Variants in SRPK1 observed in about 807,000 individuals in gnomAD.
SRPK1 encodes SFRS protein kinase 1.
SRPK1 carries 52 observed loss-of-function variants against 89.5 expected under a neutral mutation model. That is an observed-to-expected ratio of 0.58 (90% CI 0.46 to 0.73). The LOEUF (loss-of-function observed/expected upper bound fraction) is 0.73. SRPK1 is among the 30% of genes least tolerant of loss of function. SRPK1 has a pLI of 0.00. For synonymous variants in SRPK1, 255 were observed against 270.2 expected, an observed-to-expected ratio of 0.94 and a Z score of 0.55; for missense variants, 603 against 780.6, an observed-to-expected ratio of 0.77 and a Z score of 2.71.
Position 35,842,525 on chromosome 6 carries a change from G to C in SRPK1, c.1690+10C>G. Reference sequence around the variant, plus strand: ...ACCACGCACACACATCCATGGTTAAGGGGACTCACCTTCATCTCGAGTGTA... The same window carrying C: ...ACCACGCACACACATCCATGGTTAACGGGACTCACCTTCATCTCGAGTGTA... On this transcript the variant is annotated intron_variant, in intron 14 of 15. Coordinates refer to ENST00000373825, the MANE Select transcript of SRPK1 (RefSeq NM_003137.5). The C allele has an allele frequency of 1.2e-6, 2 of 1,605,742 alleles. No individual in the cohort carries two copies. Among genetic ancestry groups the C allele is most frequent in the Non-Finnish European group, 1.7e-6 (2 of 1,175,728 alleles).
chr6:35,910,392 T>C (rs1770935707), intron 2 of SRPK1, among the ~76,000 whole-genome samples: 1 of 152,068 alleles, frequency 6.6e-6, no homozygotes, highest in African/African-American at 2.4e-5. Context: ...GGCCCTGGAT[T>C]TTATGAAGTT....
At chr6:35,863,989 T>A (rs1226639941) in intron 12 of SRPK1, among the ~76,000 whole-genome samples, 1 of 152,168 alleles carries the variant, frequency 6.6e-6, no homozygotes, top group East Asian at 1.9e-4. Context: ...GATACCCATA[T>A]GCAGAAAAAT....
chr6:35,915,158 C>G (rs1443029911), intron 2 of SRPK1, among the ~76,000 whole-genome samples: 2 of 152,110 alleles, frequency 1.3e-5, no homozygotes, highest in African/African-American at 4.8e-5. Flanking sequence ...AATCCTGGCA[C>G]TTTGGGAGGC....
chr6:35,860,530 G>A (rs1373198110), intron 12 of SRPK1, among the ~76,000 whole-genome samples: 1 of 152,164 alleles, frequency 6.6e-6, no homozygotes, highest in Non-Finnish European at 1.5e-5. Flanking sequence ...AGCATTTGAT[G>A]TTTGTACGGT....
intron 13 of SRPK1, among the ~76,000 whole-genome samples, chr6:35,850,232 G>A (rs1256353619): frequency 6.6e-6 from 1 of 152,068 alleles, no homozygotes; most frequent in Non-Finnish European, 1.5e-5. Flanking sequence ...GTTGAAGGTG[G>A]CTTTGAAACT....
chr6:35,868,121 C>T (rs113232463), intron 12 of SRPK1, among the ~76,000 whole-genome samples: 151 of 151,954 alleles, frequency 9.9e-4, no homozygotes, highest in African/African-American at 3.4e-3. Context: ...TACAGGCATG[C>T]GCCAACACGC....
chr6:35,917,273 C>T (rs1771131388), intron 2 of SRPK1, among the ~76,000 whole-genome samples: 1 of 152,156 alleles, frequency 6.6e-6, no homozygotes, highest in Non-Finnish European at 1.5e-5. Context: ...ATTCAGAAGC[C>T]TCTTTCAACT....
At chr6:35,857,832 A>G (rs544320399) in intron 12 of SRPK1, among the ~76,000 whole-genome samples, 2 of 152,248 alleles carry the variant, frequency 1.3e-5, no homozygotes, top group East Asian at 3.9e-4. Context: ...CTGTGCCTTT[A>G]TTGGGATGTT....
intron 13 of SRPK1, among the ~76,000 whole-genome samples, chr6:35,854,538 G>A (rs1371499461): frequency 1.5e-5 from 2 of 135,146 alleles, no homozygotes; most frequent in African/African-American, 5.4e-5. Context: ...CTCATGTCAG[G>A]TAAGTACTTC....
intron 13 of SRPK1, among the ~76,000 whole-genome samples, chr6:35,855,137 T>C (rs1769640574): frequency 6.6e-6 from 1 of 151,912 alleles, no homozygotes; most frequent in Admixed American, 6.6e-5. Context: ...CCGTCTCTAC[T>C]AAAAATACAA....
chr6:35,836,672 T>C (rs1769185282), intron 15 of SRPK1, among the ~76,000 whole-genome samples: 1 of 151,744 alleles, frequency 6.6e-6, no homozygotes, highest in South Asian at 2.1e-4. Context: ...GGAGGATCAT[T>C]TGAACCTGGG....
chr6:35,898,267 G>A (rs539651723), intron 2 of SRPK1, among the ~76,000 whole-genome samples: 3 of 152,278 alleles, frequency 2.0e-5, no homozygotes, highest in Middle Eastern at 3.4e-3. Flanking sequence ...AAGTAAATCA[G>A]GAATGGAGAA....
Position 35,869,910 on chromosome 6 carries a change from C to T in SRPK1, c.992-9G>A. The T allele has an allele frequency of 6.5e-7, 1 of 1,531,056 alleles. No homozygotes were observed. Among genetic ancestry groups the T allele is most frequent in the Non-Finnish European group, 8.7e-7 (1 of 1,143,538 alleles). 94.8% of individuals were successfully genotyped at this position (1,531,056 alleles called of 1,614,324 possible). A position where few individuals can be genotyped will look rare whatever the true frequency, so the allele number is the denominator to read the frequency against. On this transcript the variant is annotated splice_polypyrimidine_tract_variant and intron_variant, in intron 10 of 15. Transcript: ENST00000373825. ...AATGGTACTTGACTCTTCTAAGGAA[C>T]AAACGAACAAAAAAAGATATATGCA...
At chr6:35,875,254 CTTTT>C (rs753490683) in intron 6 of SRPK1, among the ~76,000 whole-genome samples, 1 of 136,958 alleles carries the variant, frequency 7.3e-6, no homozygotes, top group East Asian at 2.2e-4. Flanking sequence ...ATGGAGACTT[CTTTT>C]TTTTTTTTTT....
At chr6:35,882,793 A>G (rs146178414) in intron 6 of SRPK1, among the ~76,000 whole-genome samples, 2 of 151,964 alleles carry the variant, frequency 1.3e-5, no homozygotes, top group East Asian at 2.0e-4. Flanking sequence ...GAAATTTACC[A>G]ATGATTCTGC....
Position 35,894,855 on chromosome 6 carries a change from A to G in SRPK1, c.75-3842T>C, listed in dbSNP as rs753902144. On this transcript the variant is annotated intron_variant, in intron 2 of 15. Coordinates refer to ENST00000373825, the MANE Select transcript of SRPK1 (RefSeq NM_003137.5). ...TTCATCTTCTCTGAAGAAGTTACTT[A>G]AAGTCAAGAAAACAAAGCAGTAAAA... Among the ~76,000 whole-genome samples the G allele has an allele frequency of 3.9e-5, 6 of 152,212 alleles. No individual in the cohort carries two copies. The South Asian group carries it at 8.3e-4, about 21-fold the overall frequency.
intron 8 of SRPK1, 99 bp from the exon 9 acceptor site, chr6:35,871,058 T>C (rs1169432667): frequency 2.2e-6 from 2 of 926,722 alleles, no homozygotes; most frequent in Non-Finnish European, 3.3e-6. Context: ...AAGTCTTTCT[T>C]ATGTAGTCTA....
At chr6:35,921,003 C>A in intron 1 of SRPK1, 41 bp downstream of exon 1, 1 of 1,532,272 alleles carries the variant, frequency 6.5e-7, no homozygotes, top group South Asian at 1.2e-5. Context: ...CTCGCCCCGG[C>A]GACCATTGCC....
At chr6:35,872,821 A>G (rs895842521) in intron 7 of SRPK1, 93 bp from the exon 8 acceptor site, 3 of 1,036,400 alleles carry the variant, frequency 2.9e-6, no homozygotes, top group African/African-American at 3.5e-5. Context: ...AAAAAAAAAA[A>G]GATATGATAG....
Sources: allele counts gnomAD v4.1 joint callset (sites outside exome capture counted in the v4.1 genomes callset), GRCh38; gene constraint gnomAD v4.1.1; transcripts MANE v1.5; gene names NCBI Gene and HGNC (gene_info 2026-07-23, HGNC 2026-07-21).